FMN2: variants seen among roughly 807,000 people sequenced by gnomAD.
FMN2 encodes the protein formin-2.
FMN2 carries 51 observed loss-of-function variants against 142.3 expected under a neutral mutation model. The ratio of observed to expected loss-of-function variants is 0.36; its 90% confidence interval spans 0.29 to 0.45. The LOEUF is 0.45. FMN2 is among the 20% of genes least tolerant of loss of function. FMN2 has a pLI of 1.00. For synonymous variants in FMN2, 882 were observed against 869.8 expected (o/e 1.01, Z -0.25); for missense variants, 1,936 against 2,122.8 (o/e 0.91, Z 1.73).
intron 14 of FMN2, among the ~76,000 whole-genome samples, chr1:240,390,412 T>A (rs1446539179): frequency 6.6e-6 from 1 of 152,216 alleles, no homozygotes; most frequent in East Asian, 1.9e-4. Context: ...CGGCCAAACT[T>A]GCTCACGCAA....
chr1:240,439,067 G>A (rs1393576133), intron 16 of FMN2, among the ~76,000 whole-genome samples: 1 of 152,062 alleles, frequency 6.6e-6, no homozygotes, highest in Admixed American at 6.6e-5. Context: ...GAGGTCAGGA[G>A]TTCAAGACCA....
intron 2 of FMN2, among the ~76,000 whole-genome samples, chr1:240,164,714 G>A (rs980789853): frequency 6.6e-6 from 1 of 152,150 alleles, no homozygotes; most frequent in Non-Finnish European, 1.5e-5. Flanking sequence ...TTCATTCATT[G>A]AAGGTCATCT....
At position 240,093,171 on chromosome 1, in the gene FMN2, T is replaced by C. The variant is rs992392016; in HGVS notation, c.1062T>C (p.Phe354=). 2.8e-6 allele frequency: 4 copies of C among 1,447,826 alleles called. No homozygotes were observed. Among genetic ancestry groups the C allele is most frequent in the Middle Eastern group, 1.9e-4 (1 of 5,380 alleles). 89.7% of individuals were successfully genotyped at this position (1,447,826 alleles called of 1,614,324 possible). A position where few individuals can be genotyped will look rare whatever the true frequency, so the allele number is the denominator to read the frequency against. ...DTDEEGEEDA[F]EDAPRGSPGE... is the part of the protein sequence containing the mutation. ...ATGAGGAGGGTGAGGAGGATGCTTT[T>C]GAGGATGCGCCCCGGGGCTCTCCGG... Residue 354 remains phenylalanine (F), a synonymous_variant, in exon 1 of 18, where the codon TTT becomes TTC. Coordinates refer to ENST00000319653, the MANE Select transcript of FMN2 (RefSeq NM_020066.5).
At chr1:240,349,201 A>G (rs760885540) in intron 13 of FMN2, among the ~76,000 whole-genome samples, 58 of 152,332 alleles carry the variant, frequency 3.8e-4, no homozygotes, top group African/African-American at 1.3e-3. Flanking sequence ...TGCTGCCTAC[A>G]TTGATCTGCT....
At chr1:240,383,854 A>G (rs1395148663) in intron 14 of FMN2, among the ~76,000 whole-genome samples, 1 of 151,728 alleles carries the variant, frequency 6.6e-6, no homozygotes, top group Non-Finnish European at 1.5e-5. Context: ...ATCCATCAAC[A>G]GCATCACAAC....
At chr1:240,242,211 A>G (rs1483842665) in intron 6 of FMN2, among the ~76,000 whole-genome samples, 1 of 152,040 alleles carries the variant, frequency 6.6e-6, no homozygotes, top group African/African-American at 2.4e-5. Flanking sequence ...CTTTTATATA[A>G]CATGCATTTG....
chr1:240,152,547 A>G (rs939518971), intron 2 of FMN2, among the ~76,000 whole-genome samples: 4 of 152,100 alleles, frequency 2.6e-5, no homozygotes, highest in African/African-American at 9.7e-5. Context: ...GTAGACTCAT[A>G]CATACCACGC....
chr1:240,234,266 C>T (rs1309636834), intron 6 of FMN2, among the ~76,000 whole-genome samples: 1 of 152,050 alleles, frequency 6.6e-6, no homozygotes, highest in Non-Finnish European at 1.5e-5. Context: ...ACTCATCCCC[C>T]CTACCCTCGC....
Position 240,334,188 on chromosome 1 carries a change from A to C in FMN2, c.4724A>C (p.Asp1575Ala). 1 of 1,606,270 alleles carries C rather than the reference A, an allele frequency of 6.2e-7. No individual in the cohort carries two copies. The highest frequency in any genetic ancestry group is 8.5e-7 in the Non-Finnish European group (1 of 1,177,976). Residue 1575 changes from aspartate to alanine, a missense_variant, in exon 13 of 18, where the codon GAT (aspartate) becomes GCT (alanine). By Grantham distance (126) the Asp-to-Ala change is moderately radical (BLOSUM62 -2). Around this residue, in one of 8 missense-constraint regions of FMN2, gnomAD observed 322 missense variants for 401.6 expected, o/e 0.80. Transcript: ENST00000319653. ...CAGGCCTCACAGATGAAGTTTGAAG[A>C]TTTTCAAAAAGATCTCAGAAAACTG... ...LFQASQMKFE[D>A]FQKDLRKLKK...
At chr1:240,194,129 T>TTCC (rs1665821996) in intron 4 of FMN2, among the ~76,000 whole-genome samples, 2 of 151,284 alleles carry the variant, frequency 1.3e-5, no homozygotes, top group Admixed American at 6.6e-5. Context: ...TCTGCACTCC[T>TTCC]CTTTTTAAAA....
rs1668505443 is a variant in FMN2 at position 240,257,967 on chromosome 1, A to G, written c.4088A>G (p.Lys1363Arg). Residue 1363 changes from lysine to arginine, a missense_variant, in exon 7 of 18, where the codon AAA becomes AGA. Physicochemically the swap from Lys to Arg is conservative, Grantham distance 26 (BLOSUM62 2). Transcript: ENST00000319653. ...AKQVVKLLSN[K>R]RSQAVGILMS... Reference sequence around the variant, plus strand: ...CAGGTTGTCAAGTTATTAAGCAACAAAAGATCACAAGCAGTTGGAATACTA... The same window carrying G: ...CAGGTTGTCAAGTTATTAAGCAACAGAAGATCACAAGCAGTTGGAATACTA... The G allele has an allele frequency of 3.1e-6, 5 of 1,613,094 alleles. No individual in the cohort carries two copies. In the Admixed American group the frequency reaches 6.7e-5, roughly 22 times the overall value.
intron 1 of FMN2, among the ~76,000 whole-genome samples, chr1:240,099,804 T>C (rs1432747561): frequency 2.6e-5 from 4 of 152,172 alleles, no homozygotes; most frequent in Non-Finnish European, 4.4e-5. Flanking sequence ...CTAGATCATA[T>C]TATATATGCT....
At chr1:240,192,413 C>A (rs188109952) in intron 4 of FMN2, among the ~76,000 whole-genome samples, 43 of 152,232 alleles carry the variant, frequency 2.8e-4, no homozygotes, top group Admixed American at 1.6e-3. Flanking sequence ...GGTAGAATGT[C>A]TTAGACATAT....
At chr1:240,169,848 A>AT (rs941802667) in intron 2 of FMN2, among the ~76,000 whole-genome samples, 2 of 151,992 alleles carry the variant, frequency 1.3e-5, no homozygotes, top group Admixed American at 6.6e-5. Context: ...TATTTTTAAT[A>AT]TTTTTTTCCC....
Position 240,092,023 on chromosome 1 carries a change from A to T in FMN2, c.-87A>T. On this transcript the variant is annotated 5_prime_UTR_variant, in exon 1 of 18. Transcript: ENST00000319653. ...CCCGCCGCCGCCTGACTCTCCCGGG[A>T]GACTCCCTAGGCCCGGACCTGGGGC... is the stretch of plus-strand genomic sequence containing the variant. The T allele has an allele frequency of 3.5e-6, 5 of 1,435,518 alleles. No individual in the cohort carries two copies. Among genetic ancestry groups the T allele is most frequent in the Non-Finnish European group, 4.5e-6 (5 of 1,104,704 alleles). 88.9% of individuals were successfully genotyped at this position (1,435,518 alleles called of 1,614,324 possible). A position where few individuals can be genotyped will look rare whatever the true frequency, so the allele number is the denominator to read the frequency against.
chr1:240,171,480 A>G (rs1664700589), intron 2 of FMN2, among the ~76,000 whole-genome samples: 1 of 152,186 alleles, frequency 6.6e-6, no homozygotes, highest in African/African-American at 2.4e-5. Flanking sequence ...CCACATAAAT[A>G]ATTGCTAGCT....
chr1:240,212,970 T>C (rs1666751712), intron 6 of FMN2, among the ~76,000 whole-genome samples: 1 of 152,222 alleles, frequency 6.6e-6, no homozygotes, highest in Admixed American at 6.5e-5. Flanking sequence ...TTTGTTTGTT[T>C]GTTTTTTTGG....
intron 8 of FMN2, among the ~76,000 whole-genome samples, chr1:240,305,034 C>G (rs1248873281): frequency 6.6e-6 from 1 of 152,092 alleles, no homozygotes; most frequent in African/African-American, 2.4e-5. Context: ...TCCCAGAATC[C>G]TTTCTGGGGT....
chr1:240,278,394 TGAAATAC>T (rs1669289018), intron 7 of FMN2, among the ~76,000 whole-genome samples: 1 of 152,188 alleles, frequency 6.6e-6, no homozygotes, highest in East Asian at 1.9e-4. Context: ...CTCGAAGTGT[TGAAATAC>T]GATGAAGTCT....
Sources: allele counts gnomAD v4.1 joint callset (sites outside exome capture counted in the v4.1 genomes callset), GRCh38; gene constraint gnomAD v4.1.1; regional missense constraint gnomAD v4.1.1; transcripts MANE v1.5; gene names NCBI Gene and HGNC (gene_info 2026-07-23, HGNC 2026-07-21).